GSDME: variants seen among roughly 807,000 people sequenced by gnomAD.
GSDME encodes the protein gasdermin-E.
A neutral mutation model predicts 47.5 loss-of-function variants in GSDME; 44 were observed. The observed-to-expected ratio is 0.93, with a 90% CI of 0.73 to 1.19. GSDME has a LOEUF of 1.19. Among genes scored for constraint, GSDME ranks in the 50% most tolerant of loss-of-function variants. The probability of loss-of-function intolerance (pLI) is 0.00; values close to 1 mark genes in which losing one functional copy is unlikely to be tolerated. For missense variants in GSDME, 663 were observed against 604.2 expected (o/e 1.10, Z -1.02); for synonymous variants, 258 against 252.8 (o/e 1.02, Z -0.20).
In GSDME at chr7:24,756,911, G is replaced by C. The variant is rs968858344; in HGVS notation, c.-20+485C>G. Among the ~76,000 whole-genome samples, 5 of 152,148 alleles carry C rather than the reference G, an allele frequency of 3.3e-5. No individual in the cohort carries two copies. The highest frequency in any genetic ancestry group is 1.2e-4 in the African/African-American group (5 of 41,438). On this transcript the variant is annotated intron_variant, in intron 1 of 9. Transcript: ENST00000645220. This position sits in a 1 kb window ranked among gnomAD's most constrained non-coding sequence, Gnocchi z 4.2. ...GGAGGGGGACTTTTTTCCGTCCAGA[G>C]AGACTGAACTCCGTATCTGTTCCGC...
In GSDME at chr7:24,699,139, C is replaced by G; in HGVS notation, c.1378G>C (p.Glu460Gln). The change falls in exon 10 of 10, where the codon GAG (glutamate) becomes CAG (glutamine). Residue 460 changes from glutamate to glutamine, a missense_variant. Coordinates refer to ENST00000645220, the MANE Select transcript of GSDME (RefSeq NM_001127453.2). ...GCTTTCACAGATGACTTCAGTCTCTCCAGACTAATGTCAGCTGAGGCAAAC... is the reference window on the plus strand; with the variant it reads ...GCTTTCACAGATGACTTCAGTCTCTGCAGACTAATGTCAGCTGAGGCAAAC... ...RLFASADISL[E>Q]RLKSSVKAVI... 2 of 1,613,888 alleles carry G rather than the reference C, an allele frequency of 1.2e-6. No individual in the cohort carries two copies. The highest frequency in any genetic ancestry group is 2.2e-5 in the South Asian group (2 of 91,060).
rs1789312842 is a variant in GSDME at position 24,710,544 on chromosome 7, A to T, written c.698-156T>A. ...CTTCCCCATAAAATTCGATCCCTACACACATTATGTTGCTTGACCAAAAGC... is the reference window on the plus strand; with the variant it reads ...CTTCCCCATAAAATTCGATCCCTACTCACATTATGTTGCTTGACCAAAAGC... On this transcript the variant is annotated intron_variant, in intron 5 of 9. Transcript: ENST00000645220. 3 of 696,648 alleles carry T rather than the reference A, an allele frequency of 4.3e-6. 1 individual carries two copies. The Admixed American group carries it at 7.0e-5, about 16-fold the overall frequency. The allele number at this position is 696,648 out of a possible 1,614,324, so 43.2% of individuals were successfully genotyped here.
rs1174148914 is a variant in GSDME, at chr7:24,698,952, A to G, written c.*74T>C. The G allele has an allele frequency of 4.0e-6, 4 of 991,586 alleles. No homozygotes were observed. The highest frequency in any genetic ancestry group is 6.3e-6 in the Non-Finnish European group (4 of 632,284). The allele number at this position is 991,586 out of a possible 1,614,324, so 61.4% of individuals were successfully genotyped here. The stretch of plus-strand genomic sequence containing the variant: ...AATTCATTTCATTGGTCAACTTTTA[A>G]CGTGCATATGACCTTTAACAGTTCT... On this transcript the variant is annotated 3_prime_UTR_variant, in exon 10 of 10. Coordinates refer to ENST00000645220, the MANE Select transcript of GSDME (RefSeq NM_001127453.2).
intron 3 of GSDME, among the ~76,000 whole-genome samples, chr7:24,731,204 G>C (rs750543997): frequency 2.0e-5 from 3 of 152,210 alleles, no homozygotes; most frequent in Non-Finnish European, 4.4e-5. Context: ...TACTGACATT[G>C]CTCAAGGGCT....
intron 9 of GSDME, chr7:24,702,549 G>C (rs1402840454): frequency 1.9e-6 from 1 of 522,230 alleles, no homozygotes; most frequent in African/African-American, 1.9e-5. Context: ...CTGCTAACAA[G>C]TTATTTGGAC....
intron 1 of GSDME, among the ~76,000 whole-genome samples, chr7:24,753,054 T>G (rs979854890): frequency 3.3e-5 from 5 of 152,156 alleles, no homozygotes; most frequent in Admixed American, 6.5e-5. Context: ...GTAGGGTGCT[T>G]TAAGGAGAGT....
rs1789045357 is a variant in GSDME, at chr7:24,705,219, G to A, written c.1183+965C>T. 1 of 152,202 alleles carries A rather than the reference G, an allele frequency of 6.6e-6. No individual in the cohort carries two copies. The highest frequency in any genetic ancestry group is 2.1e-4 in the South Asian group (1 of 4,828). 9.4% of individuals were successfully genotyped at this position (152,202 alleles called of 1,614,324 possible). A position where few individuals can be genotyped will look rare whatever the true frequency, so the allele number is the denominator to read the frequency against. On this transcript the variant is annotated intron_variant, in intron 8 of 9. Coordinates refer to ENST00000645220, the MANE Select transcript of GSDME (RefSeq NM_001127453.2). The surrounding 1 kb of genome is among the most constrained non-coding windows in gnomAD (Gnocchi z 4.1). Reference sequence around the variant, plus strand: ...TTCTGAAAGACTCTAATACCCGGATGTTAACATTGGGAGAAAGTCTCTAGT... The same window carrying A: ...TTCTGAAAGACTCTAATACCCGGATATTAACATTGGGAGAAAGTCTCTAGT...
At chr7:24,758,751 ACCT>A (rs1361708968), upstream of GSDME, among the ~76,000 whole-genome samples, 2 of 151,926 alleles carry the variant, frequency 1.3e-5, no homozygotes. This position sits in a 1 kb window ranked among gnomAD's most constrained non-coding sequence, Gnocchi z 4.6. Context: ...CCACGGGAAC[ACCT>A]CCTAGTTCCT....
chr7:24,762,576 AGG>A (rs1791183609), upstream of GSDME, among the ~76,000 whole-genome samples: 1 of 152,134 alleles, frequency 6.6e-6, no homozygotes, highest in South Asian at 2.1e-4. Context: ...GTGACCTACT[AGG>A]TGCTGGGTGC....
At chr7:24,738,052 T>C (rs1384623769) in intron 3 of GSDME, among the ~76,000 whole-genome samples, 1 of 152,152 alleles carries the variant, frequency 6.6e-6, no homozygotes, top group Non-Finnish European at 1.5e-5. Flanking sequence ...AAGCCTTTCC[T>C]CTAGGATCTG....
chr7:24,748,110 TAA>T (rs905985644), intron 2 of GSDME, among the ~76,000 whole-genome samples: 3 of 148,022 alleles, frequency 2.0e-5, no homozygotes, highest in Middle Eastern at 3.6e-3. Context: ...TAATGTTAAG[TAA>T]AAAAATAAGG....
chr7:24,741,671 T>C (rs1451738743), intron 3 of GSDME, among the ~76,000 whole-genome samples: 1 of 152,082 alleles, frequency 6.6e-6, no homozygotes, highest in African/African-American at 2.4e-5. Context: ...TGACTGAAAA[T>C]AAGCCCTCGG....
chr7:24,764,125 G>T, the GSDME span, among the ~76,000 whole-genome samples: 6 of 152,266 alleles, frequency 3.9e-5, no homozygotes, highest in African/African-American at 1.4e-4. The surrounding 1 kb of genome is among the most constrained non-coding windows in gnomAD (Gnocchi z 4.4). Context: ...GGGAGTATGA[G>T]AATTGTGTAC....
the GSDME span, among the ~76,000 whole-genome samples, chr7:24,794,864 G>A: frequency 6.6e-6 from 1 of 152,186 alleles, no homozygotes; most frequent in African/African-American, 2.4e-5. Context: ...TAAAACCAAA[G>A]TATGGATAAG....
At chr7:24,738,299 A>G (rs1790374163) in intron 3 of GSDME, among the ~76,000 whole-genome samples, 1 of 152,192 alleles carries the variant, frequency 6.6e-6, no homozygotes, top group Admixed American at 6.5e-5. Flanking sequence ...AAATCAACAT[A>G]CAAAAATCAG....
At chr7:24,715,902 G>A (rs553292281) in intron 5 of GSDME, among the ~76,000 whole-genome samples, 1 of 152,158 alleles carries the variant, frequency 6.6e-6, no homozygotes, top group East Asian at 1.9e-4. Flanking sequence ...TTTGCAGAAT[G>A]AGAGAGGGAG....
intron 5 of GSDME, chr7:24,715,565 A>G (rs1789519867): frequency 2.2e-6 from 1 of 462,720 alleles, no homozygotes; most frequent in Non-Finnish European, 4.5e-6. Flanking sequence ...CAAGGCAGAC[A>G]TAGGGGGGCT....
the GSDME span, among the ~76,000 whole-genome samples, chr7:24,793,678 T>C: frequency 3.0e-4 from 45 of 152,230 alleles, no homozygotes; most frequent in African/African-American, 1.1e-3. Context: ...TGTCTCAACT[T>C]TCTGACTTAT....
At position 24,698,710 on chromosome 7, in the gene GSDME, A is replaced by C. The variant is rs1788735266; in HGVS notation, c.*316T>G. 2.6e-6 allele frequency: 1 copy of C among 388,658 alleles called. No homozygotes were observed. Among genetic ancestry groups the C allele is most frequent in the Non-Finnish European group, 4.8e-6 (1 of 206,232 alleles). 24.1% of individuals were successfully genotyped at this position (388,658 alleles called of 1,614,324 possible). A position where few individuals can be genotyped will look rare whatever the true frequency, so the allele number is the denominator to read the frequency against. ...TCTATGTAACAAAAAGTGGAATGCA[A>C]GTGACAGATGGACTTATTATTGTGC... On this transcript the variant is annotated 3_prime_UTR_variant, in exon 10 of 10. Transcript: ENST00000645220.
Sources: gnomAD v4.1 joint callset for allele counts (sites outside exome capture counted in the v4.1 genomes callset) on GRCh38, gnomAD v4.1.1 for gene constraint, Gnocchi (gnomAD v3.1) non-coding constraint, MANE v1.5 for transcripts, NCBI Gene and HGNC (gene_info 2026-07-23, HGNC 2026-07-21) for gene names.